MMD2: variants seen among roughly 807,000 people sequenced by gnomAD.
The protein encoded by MMD2 is monocyte to macrophage differentiation factor 2.
Under a neutral mutation model 33.5 loss-of-function variants are expected in MMD2, and 30 were observed. The ratio of observed to expected loss-of-function variants is 0.90; its 90% confidence interval spans 0.67 to 1.22. The LOEUF (loss-of-function observed/expected upper bound fraction) is 1.22. MMD2 is among the 50% of genes most tolerant of loss of function. The pLI, the probability that MMD2 is intolerant of heterozygous loss-of-function variation, is 0.00. For synonymous variants in MMD2, 129 were observed against 123.0 expected (o/e 1.05, Z -0.32); for missense variants, 364 against 325.4 (o/e 1.12, Z -0.91).
chr7:4,928,093 GC>G (rs1321955600), intron 1 of MMD2, among the ~76,000 whole-genome samples: 1 of 152,172 alleles, frequency 6.6e-6, no homozygotes, highest in Non-Finnish European at 1.5e-5. Context: ...CATGTCTTCG[GC>G]CCACACAGGC....
chr7:4,929,320 C>T (rs547384639), intron 1 of MMD2, among the ~76,000 whole-genome samples: 3 of 152,060 alleles, frequency 2.0e-5, no homozygotes, highest in Admixed American at 1.3e-4. Flanking sequence ...CCATCTCCCA[C>T]GGCCGCAGCA....
rs552799888 is a variant in MMD2, at chr7:4,923,332, A to G, written c.129+2119T>C. 9.1e-4 allele frequency among the ~76,000 whole-genome samples: 138 copies of G among 152,066 alleles called. 1 individual carries two copies. The highest frequency in any genetic ancestry group is 2.0e-3 in the African/African-American group (81 of 41,490). On this transcript the variant is annotated intron_variant, in intron 2 of 6. Transcript: ENST00000401401. ...TTGGCCAGGCTGGTCTCGAACTCCC[A>G]ACCTCAAGTGATCCGCCCGCCTCAG...
At chr7:4,918,792 A>T (rs945781574) in intron 3 of MMD2, among the ~76,000 whole-genome samples, 1 of 146,018 alleles carries the variant, frequency 6.8e-6, no homozygotes, top group African/African-American at 2.5e-5. Flanking sequence ...CTGGCCTGTA[A>T]TTTTTTTTTT....
At chr7:4,931,854 C>T (rs934660893) in intron 1 of MMD2, among the ~76,000 whole-genome samples, 1 of 152,094 alleles carries the variant, frequency 6.6e-6, no homozygotes, top group Non-Finnish European at 1.5e-5. Flanking sequence ...AATGAGCCAC[C>T]GTGCCCGGCC....
At chr7:4,919,651 C>T (rs1441968555) in intron 3 of MMD2, among the ~76,000 whole-genome samples, 5 of 151,986 alleles carry the variant, frequency 3.3e-5, no homozygotes, top group Admixed American at 1.3e-4. Context: ...TTTGGGAGGC[C>T]GAGGTGGGTG....
At chr7:4,912,707 T>C (rs1785046551) in intron 4 of MMD2, among the ~76,000 whole-genome samples, 1 of 152,038 alleles carries the variant, frequency 6.6e-6, no homozygotes, top group Admixed American at 6.6e-5. Flanking sequence ...ATGAATTTCT[T>C]TTTTTGTTTG....
intron 2 of MMD2, among the ~76,000 whole-genome samples, chr7:4,924,663 T>C (rs1400477486): frequency 6.6e-6 from 1 of 152,198 alleles, no homozygotes; most frequent in African/African-American, 2.4e-5. Flanking sequence ...GGGAAGACTT[T>C]GTTGGGGAAC....
Position 4,946,955 on chromosome 7 carries a change from C to G in MMD2, c.47+12016G>C, listed in dbSNP as rs988852008. Among the ~76,000 whole-genome samples, 16 of 152,268 alleles carry G rather than the reference C, an allele frequency of 1.1e-4. No individual in the cohort carries two copies. Among genetic ancestry groups the G allele is most frequent in the African/African-American group, 3.6e-4 (15 of 41,566 alleles). ...GGGTGTGGTGGCTCATACCTGTAATCCCAGCACTTTGGGAGACCGAGATGG... is the reference window on the plus strand; with the variant it reads ...GGGTGTGGTGGCTCATACCTGTAATGCCAGCACTTTGGGAGACCGAGATGG... On this transcript the variant is annotated intron_variant, in intron 1 of 6. Coordinates refer to ENST00000401401, the MANE Select transcript of MMD2 (RefSeq NM_198403.4). This position sits in a 1 kb window ranked among gnomAD's most constrained non-coding sequence, Gnocchi z 5.0.
the MMD2 span, among the ~76,000 whole-genome samples, chr7:4,896,852 A>ATTCTT: frequency 4.0e-5 from 6 of 150,756 alleles, no homozygotes; most frequent in Non-Finnish European, 7.4e-5. Flanking sequence ...ATTTTTCTCT[A>ATTCTT]TTCTTTTCTT....
chr7:4,915,372 C>T (rs1022053832), intron 4 of MMD2, among the ~76,000 whole-genome samples: 4 of 151,672 alleles, frequency 2.6e-5, no homozygotes, highest in African/African-American at 4.8e-5. Context: ...TGTATGCATA[C>T]GTCTATGTCT....
chr7:4,892,653 C>T, the MMD2 span, among the ~76,000 whole-genome samples: 30 of 151,674 alleles, frequency 2.0e-4, no homozygotes, highest in Middle Eastern at 3.4e-3. Flanking sequence ...GATGTGCAAG[C>T]AGGACAGGTA....
At chr7:4,894,523 T>C in the MMD2 span, among the ~76,000 whole-genome samples, 1 of 152,048 alleles carries the variant, frequency 6.6e-6, no homozygotes, top group South Asian at 2.1e-4. The surrounding 1 kb of genome is among the most constrained non-coding windows in gnomAD (Gnocchi z 4.3). Flanking sequence ...GGCCATCAGA[T>C]TCCAGTCCAA....
At chr7:4,912,502 T>C (rs1387473529) in intron 4 of MMD2, among the ~76,000 whole-genome samples, 1 of 147,624 alleles carries the variant, frequency 6.8e-6, no homozygotes, top group Non-Finnish European at 1.5e-5. Context: ...GCAGAGCTTG[T>C]AGTGAGCCAA....
At chr7:4,925,305 G>A (rs1785394773) in intron 2 of MMD2, 146 bp downstream of exon 2, 1 of 471,026 alleles carries the variant, frequency 2.1e-6, no homozygotes, top group Admixed American at 4.2e-5. Flanking sequence ...GCCTTCCCTC[G>A]AGACGCCACA....
intron 1 of MMD2, among the ~76,000 whole-genome samples, chr7:4,936,312 A>AAC (rs1279819637): frequency 6.6e-6 from 1 of 152,108 alleles, no homozygotes; most frequent in African/African-American, 2.4e-5. Flanking sequence ...ATTAGTGTAA[A>AAC]ACACACACAC....
rs541630778 is a variant in MMD2, at chr7:4,942,386, C to T, written c.47+16585G>A. 1.6e-4 allele frequency among the ~76,000 whole-genome samples: 25 copies of T among 151,530 alleles called. No homozygotes were observed. In the East Asian group the frequency reaches 4.9e-3, roughly 30 times the overall value. On this transcript the variant is annotated intron_variant, in intron 1 of 6. Coordinates refer to ENST00000401401, the MANE Select transcript of MMD2 (RefSeq NM_198403.4). ...AAGTGCTGGGATTACAGGTGTGAGC[C>T]ACCTGGCCCTGCCTGGGAGGACATT...
chr7:4,958,785 G>A (rs930018219), intron 1 of MMD2, among the ~76,000 whole-genome samples, 186 bp downstream of exon 1: 1 of 152,156 alleles, frequency 6.6e-6, no homozygotes, highest in South Asian at 2.1e-4. Flanking sequence ...CGGGCGCCCC[G>A]GTTACTCCAT....
rs765524393 is a variant in MMD2, at chr7:4,916,013, G to A, written c.357C>T (p.Tyr119=). The A allele has an allele frequency of 9.3e-6, 15 of 1,613,836 alleles. No homozygotes were observed. Among genetic ancestry groups the A allele is most frequent in the Middle Eastern group, 3.3e-4 (2 of 6,042 alleles). The change falls in exon 4 of 7, where the codon TAC becomes TAT. Residue 119 remains tyrosine, a synonymous_variant. Coordinates refer to ENST00000401401, the MANE Select transcript of MMD2 (RefSeq NM_198403.4). Reference sequence around the variant, plus strand: ...GGCGGGACGGTACTCACCAGGGTGCGTAGGAAGCCGCTATGAAGAAATAGA... The same window carrying A: ...GGCGGGACGGTACTCACCAGGGTGCATAGGAAGCCGCTATGAAGAAATAGA... ...MVIYFFIAAS[Y]APWLNLRELG... is the part of the protein sequence containing the mutation.
At chr7:4,933,940 CTTTTT>C (rs71032998) in intron 1 of MMD2, among the ~76,000 whole-genome samples, 22,027 of 119,070 alleles carry the variant, frequency 0.18, 1,844 homozygotes, top group East Asian at 0.35. Context: ...GCCACAATGC[CTTTTT>C]TTTTTTTTTT....
Sources: allele counts gnomAD v4.1 joint callset (sites outside exome capture counted in the v4.1 genomes callset), GRCh38; gene constraint gnomAD v4.1.1; non-coding constraint Gnocchi (gnomAD v3.1); transcripts MANE v1.5; gene names NCBI Gene and HGNC (gene_info 2026-07-23, HGNC 2026-07-21).